Variants in KLHDC4 observed in about 807,000 individuals in gnomAD.
KLHDC4 encodes kelch domain-containing protein 4.
KLHDC4 carries 90 observed loss-of-function variants against 62.4 expected under a neutral mutation model. The observed-to-expected ratio is 1.44, with a 90% CI of 1.22 to 1.72. The LOEUF (loss-of-function observed/expected upper bound fraction) is 1.72. Among genes scored for constraint, KLHDC4 ranks in the 40% most tolerant of loss-of-function variants. KLHDC4 has a pLI of 0.00. For missense variants in KLHDC4, 1,025 were observed against 699.7 expected (o/e 1.47, Z -5.25); for synonymous variants, 386 against 284.4 (o/e 1.36, Z -3.59).
Position 87,709,329 on chromosome 16 carries a change from G to A in KLHDC4, c.1383C>T (p.Ser461=), listed in dbSNP as rs143825392. 1.8e-5 allele frequency: 29 copies of A among 1,613,192 alleles called. No homozygotes were observed. The highest frequency in any genetic ancestry group is 1.3e-4 in the African/African-American group (10 of 74,934). The change falls in exon 10 of 12, where the codon AGC becomes AGT. Residue 461 remains serine (S), a synonymous_variant. Coordinates refer to ENST00000270583, the MANE Select transcript of KLHDC4 (RefSeq NM_017566.4). The part of the protein sequence containing the change: ...FEAGDRQVTL[S]DLHCLDLHRM... ...TGTGCAGGTCCAGGCAGTGCAGGTC[G>A]CTGAGGGTGACCTGGCGGTCGCCGG...
intron 5 of KLHDC4, among the ~76,000 whole-genome samples, chr16:87,735,727 T>C (rs539436009): frequency 3.1e-4 from 47 of 152,236 alleles, no homozygotes; most frequent in African/African-American, 1.0e-3. Flanking sequence ...AAATACGAAG[T>C]CTTAAAAAAT....
intron 6 of KLHDC4, among the ~76,000 whole-genome samples, chr16:87,729,567 G>A (rs1271511892): frequency 6.6e-6 from 1 of 152,210 alleles, no homozygotes; most frequent in Non-Finnish European, 1.5e-5. Context: ...TGCTTTTCTG[G>A]ACTGAACTAA....
At chr16:87,748,433 A>G (rs1243752130) in intron 5 of KLHDC4, among the ~76,000 whole-genome samples, 1 of 152,174 alleles carries the variant, frequency 6.6e-6, no homozygotes, top group East Asian at 1.9e-4. Context: ...GGTGGCCAAC[A>G]ACAAGAGGAA....
At chr16:87,727,639 G>A (rs1302107698) in intron 6 of KLHDC4, among the ~76,000 whole-genome samples, 3 of 152,234 alleles carry the variant, frequency 2.0e-5, no homozygotes, top group South Asian at 2.1e-4. Context: ...CTGGAGGCAT[G>A]GGGAGACTCG....
At chr16:87,751,679 G>C (rs2043967948) in intron 4 of KLHDC4, among the ~76,000 whole-genome samples, 1 of 152,080 alleles carries the variant, frequency 6.6e-6, no homozygotes, top group Non-Finnish European at 1.5e-5. Flanking sequence ...AACACTGTGG[G>C]AGGCTCATGT....
chr16:87,728,058 G>A (rs1050662186), intron 6 of KLHDC4, among the ~76,000 whole-genome samples: 3 of 152,128 alleles, frequency 2.0e-5, no homozygotes, highest in Non-Finnish European at 2.9e-5. Context: ...ATGGGGGCGG[G>A]TGCCTATAAT....
intron 7 of KLHDC4, among the ~76,000 whole-genome samples, chr16:87,724,120 G>C (rs772927118): frequency 1.3e-5 from 2 of 152,210 alleles, no homozygotes; most frequent in Non-Finnish European, 2.9e-5. Context: ...TTACAGGCGT[G>C]AGCCACTGTG....
exon 1 of KLHDC4, chr16:87,700,313 G>A (rs1176823506): frequency 1.3e-5 from 2 of 154,952 alleles, no homozygotes; most frequent in African/African-American, 2.4e-5. Context: ...TGCAGGTGCT[G>A]TGACTGTTTC....
intron 5 of KLHDC4, among the ~76,000 whole-genome samples, chr16:87,732,752 C>G (rs1336204558): frequency 6.6e-6 from 1 of 152,016 alleles, no homozygotes; most frequent in Non-Finnish European, 1.5e-5. Context: ...CAAAGCAAAT[C>G]CTATCCCAGC....
intron 5 of KLHDC4, among the ~76,000 whole-genome samples, chr16:87,744,416 CAAAA>C (rs34553451): frequency 1.8e-5 from 2 of 108,308 alleles, no homozygotes; most frequent in African/African-American, 3.5e-5. Flanking sequence ...ACTCCGTCTC[CAAAA>C]AAAAAAAAAA....
downstream of KLHDC4, among the ~76,000 whole-genome samples, chr16:87,704,640 C>T (rs956683288): frequency 2.0e-5 from 3 of 152,058 alleles, no homozygotes; most frequent in Non-Finnish European, 2.9e-5. Context: ...CTCTCACCAA[C>T]GGGCATCTTG....
At chr16:87,724,022 G>C (rs1052947045) in intron 7 of KLHDC4, among the ~76,000 whole-genome samples, 11 of 152,202 alleles carry the variant, frequency 7.2e-5, no homozygotes, top group Non-Finnish European at 1.3e-4. Flanking sequence ...TTTTTCAGTA[G>C]ACATGGGGTT....
intron 5 of KLHDC4, among the ~76,000 whole-genome samples, chr16:87,732,299 T>C (rs961194080): frequency 6.6e-6 from 1 of 152,104 alleles, no homozygotes; most frequent in South Asian, 2.1e-4. Flanking sequence ...TTTCATCATA[T>C]TGGTCAGGCT....
At chr16:87,706,538 C>T (rs548628957), downstream of KLHDC4, among the ~76,000 whole-genome samples, 21 of 152,338 alleles carry the variant, frequency 1.4e-4, no homozygotes, top group Non-Finnish European at 2.4e-4. Flanking sequence ...TCCAGACGCA[C>T]CAGACAGGTG....
intron 8 of KLHDC4, among the ~76,000 whole-genome samples, chr16:87,713,902 T>G (rs1054365384): frequency 6.6e-6 from 1 of 151,284 alleles, no homozygotes; most frequent in African/African-American, 2.4e-5. Flanking sequence ...ATCTAGGCAT[T>G]CTAACAGCCC....
At chr16:87,700,639 G>A (rs961411959) in exon 1 of KLHDC4, 6 of 222,686 alleles carry the variant, frequency 2.7e-5, no homozygotes, top group Non-Finnish European at 5.3e-5. Context: ...GAGGGAGAAC[G>A]CTGGAGGGCA....
chr16:87,758,910 T>G (rs2045433903), intron 2 of KLHDC4, among the ~76,000 whole-genome samples: 1 of 152,174 alleles, frequency 6.6e-6, no homozygotes, highest in African/African-American at 2.4e-5. Flanking sequence ...GCGCATTGGC[T>G]CATGCCTGTA....
intron 5 of KLHDC4, chr16:87,747,569 C>G (rs2043222981): frequency 6.6e-6 from 1 of 152,176 alleles, no homozygotes; most frequent in African/African-American, 2.4e-5. Context: ...CACCCCACAC[C>G]ACAGCACCTT....
intron 5 of KLHDC4, among the ~76,000 whole-genome samples, chr16:87,742,266 G>A (rs1419034579): frequency 6.6e-6 from 1 of 152,062 alleles, no homozygotes; most frequent in Non-Finnish European, 1.5e-5. Context: ...TCAGTCCCCT[G>A]TACCATCCCC....
Sources: gnomAD v4.1 joint callset for allele counts (sites outside exome capture counted in the v4.1 genomes callset) on GRCh38, gnomAD v4.1.1 for gene constraint, MANE v1.5 for transcripts, NCBI Gene and HGNC (gene_info 2026-07-23, HGNC 2026-07-21) for gene names.